Variants in RBFOX1 observed in about 807,000 individuals in gnomAD.
RBFOX1 encodes RNA binding fox-1 homolog 1.
RBFOX1 carries 8 observed loss-of-function variants against 57.7 expected under a neutral mutation model. The ratio of observed to expected loss-of-function variants is 0.14; its 90% CI spans 0.08 to 0.25. The LOEUF is 0.25. Among genes scored for constraint, RBFOX1 ranks in the 10% least tolerant of loss-of-function variants. The pLI is 1.00. For missense variants in RBFOX1, 611 were observed against 548.5 expected (o/e 1.11, Z -1.14); for synonymous variants, 326 against 222.4 (o/e 1.47, Z -4.15).
In RBFOX1 at chr16:6,788,474, T is replaced by A. The variant is rs138353501; in HGVS notation, c.-16+133824T>A. Reference sequence around the variant, plus strand: ...TTTTTTTATTATTATTTATTTATTTTTTATTTTTTATTTTTTTGAGACAGA... The same window carrying A: ...TTTTTTTATTATTATTTATTTATTTATTATTTTTTATTTTTTTGAGACAGA... On this transcript the variant is annotated intron_variant, in intron 3 of 15. Transcript: ENST00000550418. Among the ~76,000 whole-genome samples, 290 of 151,784 alleles carry A rather than the reference T, an allele frequency of 1.9e-3. 1 individual carries two copies. Among genetic ancestry groups the A allele is most frequent in the African/African-American group, 6.4e-3 (267 of 41,450 alleles).
At chr16:7,620,985 G>A (rs1346995636) in intron 10 of RBFOX1, among the ~76,000 whole-genome samples, 2 of 152,006 alleles carry the variant, frequency 1.3e-5, no homozygotes, top group South Asian at 2.1e-4. Flanking sequence ...GCAATTTACT[G>A]TTGTCAGCAC....
In RBFOX1 at chr16:7,093,475, A is replaced by T. The variant is rs150827224; in HGVS notation, c.27+41377A>T. ...ATGTTGCTTAAAGATGTTTTTGAAC[A>T]TTTGGAAAGGGCTAGTTTCCCAGCA... On this transcript the variant is annotated intron_variant, in intron 4 of 15. Coordinates refer to ENST00000550418, the MANE Select transcript of RBFOX1 (RefSeq NM_018723.4). Among the ~76,000 whole-genome samples the T allele has an allele frequency of 1.9e-3, 282 of 152,260 alleles. 1 individual carries two copies. The highest frequency in any genetic ancestry group is 6.5e-3 in the African/African-American group (268 of 41,546).
chr16:7,529,093 G>C (rs958243329), intron 5 of RBFOX1, among the ~76,000 whole-genome samples: 1 of 151,920 alleles, frequency 6.6e-6, no homozygotes, highest in Admixed American at 6.6e-5. Flanking sequence ...ACCCTGTCTC[G>C]ACACAAAAAG....
rs574595860 is a variant in RBFOX1 at position 6,258,983 on chromosome 16, A to T, written c.-126-58012A>T. Among the ~76,000 whole-genome samples, 11 of 152,362 alleles carry T rather than the reference A, an allele frequency of 7.2e-5. No individual in the cohort carries two copies. In the East Asian group the frequency reaches 9.7e-4, roughly 13 times the overall value. On this transcript the variant is annotated intron_variant, in intron 1 of 15. Transcript: ENST00000550418. ...ATTCCGAGTTCATTTACAACATTAG[A>T]TGACTGATACAGAATAACAAGATAT...
chr16:5,824,406 C>T (rs2055963712), intron 3 of RBFOX1, among the ~76,000 whole-genome samples: 1 of 152,162 alleles, frequency 6.6e-6, no homozygotes, highest in Admixed American at 6.5e-5. Flanking sequence ...GACAGTGTCC[C>T]AGTATCCAGG....
At chr16:6,535,964 T>C (rs1331699488) in intron 2 of RBFOX1, among the ~76,000 whole-genome samples, 1 of 152,234 alleles carries the variant, frequency 6.6e-6, no homozygotes, top group Non-Finnish European at 1.5e-5. Flanking sequence ...GATGCCTCTT[T>C]AGTTTCTATC....
chr16:5,362,642 G>A (rs552261862), intron 1 of RBFOX1, among the ~76,000 whole-genome samples: 10 of 152,202 alleles, frequency 6.6e-5, no homozygotes, highest in Non-Finnish European at 1.0e-4. Context: ...GATTGCAGGC[G>A]TGAGCCACCG....
intron 1 of RBFOX1, among the ~76,000 whole-genome samples, chr16:6,270,082 A>C (rs1196311984): frequency 2.6e-5 from 4 of 152,192 alleles, no homozygotes; most frequent in African/African-American, 9.7e-5. Flanking sequence ...CTGTAAAAGG[A>C]GATTCACTCA....
chr16:5,503,504 C>A (rs967823475), intron 2 of RBFOX1, among the ~76,000 whole-genome samples: 1 of 152,166 alleles, frequency 6.6e-6, no homozygotes, highest in Non-Finnish European at 1.5e-5. Flanking sequence ...TGGCGCATGG[C>A]GCAATCACGG....
At chr16:6,228,188 G>A (rs57729043) in intron 1 of RBFOX1, among the ~76,000 whole-genome samples, 28,694 of 152,012 alleles carry the variant, frequency 0.19, 3,443 homozygotes, top group East Asian at 0.41. Context: ...ACACGCGCCT[G>A]TATTCCCAGC....
intron 1 of RBFOX1, among the ~76,000 whole-genome samples, chr16:6,246,403 T>C (rs12443774): frequency 0.22 from 32,698 of 151,916 alleles, 4,418 homozygotes; most frequent in African/African-American, 0.39. Context: ...ATCTCCCCTT[T>C]CCCCAAAAGC....
intron 3 of RBFOX1, among the ~76,000 whole-genome samples, chr16:6,806,805 A>AATAAATATATAAATAT (rs1555488516): frequency 9.1e-6 from 1 of 110,250 alleles, no homozygotes; most frequent in African/African-American, 3.4e-5. Context: ...TATATATATA[A>AATAAATATATAAATAT]ATAAATATAT....
Position 6,473,221 on chromosome 16 carries a change from G to A in RBFOX1, c.-64+156164G>A, listed in dbSNP as rs550621907. On this transcript the variant is annotated intron_variant, in intron 2 of 15. Transcript: ENST00000550418. ...TGCCTACTTATCTATTTTGTTTTCT[G>A]GTGATTAGTGAACATGGATCACCCT... 4.6e-5 allele frequency among the ~76,000 whole-genome samples: 7 copies of A among 152,200 alleles called. No homozygotes were observed. The East Asian group carries it at 1.2e-3, about 25-fold the overall frequency.
At chr16:7,008,162 A>C (rs1349620172) in intron 3 of RBFOX1, among the ~76,000 whole-genome samples, 4 of 152,210 alleles carry the variant, frequency 2.6e-5, no homozygotes, top group Non-Finnish European at 4.4e-5. Flanking sequence ...TAATCAGAAT[A>C]GTTGTTACCG....
intron 3 of RBFOX1, among the ~76,000 whole-genome samples, chr16:5,807,431 C>T (rs908716717): frequency 6.6e-6 from 1 of 152,146 alleles, no homozygotes; most frequent in African/African-American, 2.4e-5. Context: ...TGTCTGACTG[C>T]TGCAAAAGGT....
chr16:7,637,001 A>G (rs905756371), intron 11 of RBFOX1, among the ~76,000 whole-genome samples: 2 of 152,170 alleles, frequency 1.3e-5, no homozygotes, highest in East Asian at 3.9e-4. Context: ...CGGCTTCCAC[A>G]TATGAATTTG....
chr16:5,920,600 T>G (rs549517693), intron 4 of RBFOX1, among the ~76,000 whole-genome samples: 3 of 152,136 alleles, frequency 2.0e-5, no homozygotes, highest in Admixed American at 2.0e-4. Context: ...AGCTCTGTAC[T>G]GGGCAGAGGA....
intron 2 of RBFOX1, among the ~76,000 whole-genome samples, chr16:6,579,510 C>T (rs1479000952): frequency 3.3e-5 from 5 of 152,080 alleles, no homozygotes; most frequent in Non-Finnish European, 7.3e-5. Context: ...GGATAGGGAG[C>T]GAGTTCTCAC....
At chr16:7,087,290 G>A (rs1050681985) in intron 4 of RBFOX1, among the ~76,000 whole-genome samples, 4 of 152,200 alleles carry the variant, frequency 2.6e-5, no homozygotes, top group Admixed American at 6.5e-5. Flanking sequence ...CAAGAGGATC[G>A]GCCGCCTTCC....
Sources: allele counts gnomAD v4.1 joint callset (sites outside exome capture counted in the v4.1 genomes callset), GRCh38; gene constraint gnomAD v4.1.1; transcripts MANE v1.5; gene names NCBI Gene and HGNC (gene_info 2026-07-23, HGNC 2026-07-21).